The following STX8 variants were observed in gnomAD, a reference collection of about 807,000 sequenced individuals.
STX8 encodes syntaxin-8.
Under a neutral mutation model 37.5 loss-of-function variants are expected in STX8, and 23 were observed. That is an observed-to-expected ratio of 0.61 (90% CI 0.44 to 0.87). STX8 has a LOEUF of 0.87. Ranked by LOEUF, STX8 falls within the 40% of genes least tolerant of loss-of-function variation. The pLI is 0.00. For missense variants in STX8, 313 were observed against 284.7 expected (o/e 1.10, Z -0.71); for synonymous variants, 115 against 99.1 (o/e 1.16, Z -0.95).
intron 6 of STX8, among the ~76,000 whole-genome samples, chr17:9,487,342 C>T (rs572532933): frequency 7.2e-5 from 11 of 152,264 alleles, no homozygotes; most frequent in African/African-American, 2.6e-4. Context: ...AGCCAATGTG[C>T]TGCCCTTTTC....
intron 7 of STX8, among the ~76,000 whole-genome samples, chr17:9,278,260 C>CA (rs1367470699): frequency 6.6e-6 from 1 of 152,186 alleles, no homozygotes; most frequent in African/African-American, 2.4e-5. Context: ...CCAGCCTGAC[C>CA]AACATAGAGA....
chr17:9,375,706 T>C (rs976260948), intron 7 of STX8, among the ~76,000 whole-genome samples: 2 of 152,230 alleles, frequency 1.3e-5, no homozygotes, highest in African/African-American at 4.8e-5. Context: ...AAACCACGTT[T>C]ACTTTTGCAC....
rs572844058 is a variant in STX8, at chr17:9,557,548, TC to T, written c.118-21del. The T allele has an allele frequency of 6.2e-6, 10 of 1,603,946 alleles. No individual in the cohort carries two copies. The East Asian group carries it at 2.0e-4, about 32-fold the overall frequency. On this transcript the variant is annotated intron_variant, in intron 2 of 7. Coordinates refer to ENST00000306357, the MANE Select transcript of STX8 (RefSeq NM_004853.3). ...GGTAAGCTGAAAAGAAAAGAACACA[TC>T]CTAAGTATTCTAGTCCAGAATGTAG...
chr17:9,543,017 C>A (rs1053971647), intron 4 of STX8, among the ~76,000 whole-genome samples: 2 of 152,092 alleles, frequency 1.3e-5, no homozygotes, highest in Non-Finnish European at 2.9e-5. Flanking sequence ...CTAGGTTGGC[C>A]CCTTCAGCAT....
chr17:9,447,808 T>C (rs989263005), intron 6 of STX8, among the ~76,000 whole-genome samples: 15 of 152,190 alleles, frequency 9.9e-5, no homozygotes, highest in African/African-American at 3.6e-4. Context: ...AATAAAAAAA[T>C]TGAATGATGT....
At chr17:9,347,305 C>T (rs892556432) in intron 7 of STX8, among the ~76,000 whole-genome samples, 3 of 152,096 alleles carry the variant, frequency 2.0e-5, no homozygotes, top group African/African-American at 7.2e-5. Flanking sequence ...ATTGCCTGGG[C>T]TGCTCAATAC....
chr17:9,372,779 ATTTTTTT>A (rs72485507), intron 7 of STX8, among the ~76,000 whole-genome samples: 1 of 109,564 alleles, frequency 9.1e-6, no homozygotes, highest in Non-Finnish European at 1.8e-5. Flanking sequence ...CCCAGCCCTC[ATTTTTTT>A]TTTTTTTTTT....
intron 4 of STX8, among the ~76,000 whole-genome samples, chr17:9,529,302 T>C (rs1905714609): frequency 6.6e-6 from 1 of 152,200 alleles, no homozygotes; most frequent in Non-Finnish European, 1.5e-5. Flanking sequence ...CATGTGTGTG[T>C]ATCTGTATGC....
chr17:9,316,097 T>C (rs2142198003), intron 7 of STX8, among the ~76,000 whole-genome samples: 1 of 152,140 alleles, frequency 6.6e-6, no homozygotes, highest in African/African-American at 2.4e-5. Context: ...ACCCCTATAA[T>C]GTCTACTGTA....
chr17:9,435,531 C>T (rs574166201), intron 6 of STX8, among the ~76,000 whole-genome samples: 1 of 152,208 alleles, frequency 6.6e-6, no homozygotes, highest in East Asian at 1.9e-4. Flanking sequence ...TGCCCTGTTT[C>T]CCCAGACAAA....
chr17:9,553,270 G>A (rs1906840149), intron 3 of STX8: 1 of 152,204 alleles, frequency 6.6e-6, no homozygotes, highest in Non-Finnish European at 1.5e-5. Flanking sequence ...CTCTCTGACT[G>A]CAAGACTTCG....
At chr17:9,525,452 T>C (rs1183666331) in intron 4 of STX8, among the ~76,000 whole-genome samples, 1 of 151,848 alleles carries the variant, frequency 6.6e-6, no homozygotes, top group Non-Finnish European at 1.5e-5. Flanking sequence ...GTTCACACCA[T>C]TCTCCTGCCT....
chr17:9,339,421 G>A (rs1244060967), intron 7 of STX8, among the ~76,000 whole-genome samples: 1 of 152,136 alleles, frequency 6.6e-6, no homozygotes, highest in Non-Finnish European at 1.5e-5. Context: ...TTGGGAGGCC[G>A]AGGCAGGTGG....
intron 1 of STX8, among the ~76,000 whole-genome samples, chr17:9,574,535 G>GTT: frequency 1.2e-5 from 1 of 83,206 alleles, no homozygotes; most frequent in African/African-American, 3.4e-5. Flanking sequence ...GGATTTTGGG[G>GTT]TTTTTTATTT....
chr17:9,327,099 G>A (rs1319304371), intron 7 of STX8, among the ~76,000 whole-genome samples: 13 of 151,598 alleles, frequency 8.6e-5, no homozygotes, highest in African/African-American at 2.9e-4. Context: ...GGAGGTTGCA[G>A]TGAGCCGAGA....
At chr17:9,488,580 A>C (rs1480357424) in intron 6 of STX8, among the ~76,000 whole-genome samples, 1 of 152,154 alleles carries the variant, frequency 6.6e-6, no homozygotes, top group East Asian at 1.9e-4. Flanking sequence ...AAGTGATGCC[A>C]TATGAGAGGC....
intron 6 of STX8, among the ~76,000 whole-genome samples, chr17:9,485,454 G>C (rs899276997): frequency 6.6e-6 from 1 of 151,512 alleles, no homozygotes. Flanking sequence ...ACCCTCAAAG[G>C]GTAAAAAAAT....
chr17:9,278,891 C>T (rs1010117345), intron 7 of STX8, among the ~76,000 whole-genome samples: 4 of 151,796 alleles, frequency 2.6e-5, no homozygotes, highest in African/African-American at 9.7e-5. Context: ...CTGGCTCTGT[C>T]ACTATCTGAT....
At chr17:9,510,219 G>C (rs944004725) in intron 4 of STX8, among the ~76,000 whole-genome samples, 5 of 152,120 alleles carry the variant, frequency 3.3e-5, no homozygotes, top group Non-Finnish European at 5.9e-5. Context: ...GCATTGGACA[G>C]ATCATTCAGA....
Sources: gnomAD v4.1 joint callset for allele counts (sites outside exome capture counted in the v4.1 genomes callset) on GRCh38, gnomAD v4.1.1 for gene constraint, MANE v1.5 for transcripts, NCBI Gene and HGNC (gene_info 2026-07-23, HGNC 2026-07-21) for gene names.